Variants in ATP8B1 observed in about 807,000 individuals in gnomAD.
The protein encoded by ATP8B1 is ATPase phospholipid transporting 8B1.
ATP8B1 carries 80 observed loss-of-function variants against 149.9 expected under a neutral mutation model. The observed-to-expected ratio is 0.53, with a 90% confidence interval of 0.45 to 0.64. The LOEUF (loss-of-function observed/expected upper bound fraction) is 0.64. Among genes scored for constraint, ATP8B1 ranks in the 30% least tolerant of loss-of-function variants. The pLI, the probability that ATP8B1 is intolerant of heterozygous loss-of-function variation, is 0.00. For missense variants in ATP8B1, 1,247 were observed against 1,552.6 expected, an observed-to-expected ratio of 0.80 and a Z score of 3.31; for synonymous variants, 536 against 562.8, an observed-to-expected ratio of 0.95 and a Z score of 0.67.
intron 2 of ATP8B1, among the ~76,000 whole-genome samples, chr18:57,725,660 G>A (rs1352914063): frequency 2.6e-5 from 4 of 152,098 alleles, no homozygotes; most frequent in Admixed American, 1.3e-4. Context: ...CCAAAACAAC[G>A]TGGTATTGGC....
chr18:57,689,418 T>C (rs1455095035), intron 12 of ATP8B1, among the ~76,000 whole-genome samples: 1 of 152,214 alleles, frequency 6.6e-6, no homozygotes, highest in African/African-American at 2.4e-5. Flanking sequence ...ATCTGAATTT[T>C]AAAACTATAA....
intron 2 of ATP8B1, 86 bp downstream of exon 2, chr18:57,731,541 A>G (rs1379479565): frequency 8.8e-6 from 13 of 1,477,274 alleles, no homozygotes; most frequent in Non-Finnish European, 3.7e-6. Flanking sequence ...GACCACGCAA[A>G]ATAGACCGAT....
chr18:57,768,472 T>A (rs1176565299), intron 1 of ATP8B1, among the ~76,000 whole-genome samples: 3 of 144,164 alleles, frequency 2.1e-5, no homozygotes, highest in Admixed American at 7.1e-5. Flanking sequence ...CCTAGAATCA[T>A]ACCTATTCTC....
chr18:57,713,236 C>CT (rs1568207620), intron 2 of ATP8B1, among the ~76,000 whole-genome samples: 216 of 100,036 alleles, frequency 2.2e-3, no homozygotes, highest in Non-Finnish European at 2.9e-3. Flanking sequence ...TCCTTCCTTC[C>CT]TTCCTTCTTT....
At chr18:57,776,339 C>T (rs1373357174) in intron 1 of ATP8B1, among the ~76,000 whole-genome samples, 2 of 152,250 alleles carry the variant, frequency 1.3e-5, no homozygotes, top group Admixed American at 6.5e-5. Flanking sequence ...TACCACCTCG[C>T]ATTCATGTGA....
Position 57,706,504 on chromosome 18 carries a change from C to T in ATP8B1, c.265G>A (p.Glu89Lys). 1 of 1,613,698 alleles carries T rather than the reference C, an allele frequency of 6.2e-7. No individual in the cohort carries two copies. Among genetic ancestry groups the T allele is most frequent in the Non-Finnish European group, 8.5e-7 (1 of 1,179,674 alleles). Residue 89 changes from glutamate to lysine, a missense_variant, in exon 3 of 28, where the codon GAG becomes AAG. Glu to Lys is a moderately conservative substitution (Grantham distance 56). Coordinates refer to ENST00000648908, the MANE Select transcript of ATP8B1 (RefSeq NM_001374385.1). ...TAACAACTCACCGCATATTTACTCT[C>T]CTTAATACACAAGAATTTTGTGTTC... ...FMNTKFLCIK[E>K]SKYANNAIKT...
intron 1 of ATP8B1, among the ~76,000 whole-genome samples, chr18:57,787,114 T>C (rs913108274): frequency 6.6e-6 from 1 of 152,218 alleles, no homozygotes; most frequent in Non-Finnish European, 1.5e-5. Flanking sequence ...CTTCATAATA[T>C]TCATGTTAAA....
At chr18:57,743,189 G>A (rs777162969) in intron 1 of ATP8B1, among the ~76,000 whole-genome samples, 11 of 152,050 alleles carry the variant, frequency 7.2e-5, no homozygotes, top group Non-Finnish European at 1.6e-4. Flanking sequence ...TGCCCAGGGT[G>A]ATTTAGCTCC....
In ATP8B1 at chr18:57,662,527, G is replaced by A; in HGVS notation, c.2374C>T (p.Pro792Ser). The A allele has an allele frequency of 6.2e-7, 1 of 1,614,046 alleles. No homozygotes were observed. Among genetic ancestry groups the A allele is most frequent in the Non-Finnish European group, 8.5e-7 (1 of 1,180,010 alleles). Reference protein sequence around the residue: ...FAPPVQESFFPPGGNRALIIT... With the variant: ...FAPPVQESFFSPGGNRALIIT... ...ATTAAGGCACGGTTTCCACCGGGTG[G>A]AAAAAAAGATTCCTGCACAGGAGGT... The change falls in exon 21 of 28, where the codon CCA (proline) becomes TCA (serine). Residue 792 changes from proline (P) to serine (S), a missense_variant. This residue lies in a region of ATP8B1 where 853 missense variants were observed against 1,035.7 expected (regional missense o/e 0.82). Coordinates refer to ENST00000648908, the MANE Select transcript of ATP8B1 (RefSeq NM_001374385.1).
At chr18:57,743,325 C>T (rs1004418910) in intron 1 of ATP8B1, among the ~76,000 whole-genome samples, 2 of 152,122 alleles carry the variant, frequency 1.3e-5, no homozygotes, top group African/African-American at 2.4e-5. Flanking sequence ...TCTCCACTCC[C>T]AACATCACCT....
chr18:57,770,534 C>T (rs1241266231), intron 1 of ATP8B1, among the ~76,000 whole-genome samples: 1 of 152,188 alleles, frequency 6.6e-6, no homozygotes, highest in African/African-American at 2.4e-5. Flanking sequence ...TGCCTCCAGC[C>T]GGCCCACCCT....
At chr18:57,740,247 C>T (rs944599101) in intron 1 of ATP8B1, among the ~76,000 whole-genome samples, 13 of 151,834 alleles carry the variant, frequency 8.6e-5, no homozygotes, top group African/African-American at 2.9e-4. Context: ...TAAGCCACCA[C>T]GCCTGGTCCT....
intron 12 of ATP8B1, among the ~76,000 whole-genome samples, chr18:57,690,134 A>G (rs1377875714): frequency 1.3e-5 from 2 of 152,240 alleles, no homozygotes; most frequent in African/African-American, 4.8e-5. Context: ...AGGAAAGGTC[A>G]GGGTAATAAG....
intron 17 of ATP8B1, among the ~76,000 whole-genome samples, chr18:57,670,319 G>A (rs1911146084): frequency 6.6e-6 from 1 of 151,466 alleles, no homozygotes; most frequent in African/African-American, 2.4e-5. Context: ...CATGATGAAC[G>A]ATTCAAACAT....
At chr18:57,762,850 C>T (rs374455274) in intron 1 of ATP8B1, among the ~76,000 whole-genome samples, 21 of 152,248 alleles carry the variant, frequency 1.4e-4, no homozygotes, top group African/African-American at 4.8e-4. Flanking sequence ...GCTTCCCAAA[C>T]GTAGTAATTC....
chr18:57,759,899 CT>C (rs1389861708), intron 1 of ATP8B1, among the ~76,000 whole-genome samples: 2 of 152,102 alleles, frequency 1.3e-5, no homozygotes, highest in African/African-American at 4.8e-5. Context: ...TAGTCCTGCC[CT>C]GTGCAAACCA....
intron 4 of ATP8B1, among the ~76,000 whole-genome samples, chr18:57,702,216 C>A (rs536923322): frequency 2.0e-5 from 3 of 152,278 alleles, no homozygotes; most frequent in African/African-American, 7.2e-5. Context: ...AGTGAGCTGG[C>A]CTTCCTCCAT....
At chr18:57,793,368 G>A (rs117075141) in intron 1 of ATP8B1, among the ~76,000 whole-genome samples, 7,457 of 151,850 alleles carry the variant, frequency 0.049, 236 homozygotes, top group Middle Eastern at 0.075. Context: ...CCATCCTGGC[G>A]GACACTACCA....
chr18:57,676,943 G>A (rs2122764745), intron 15 of ATP8B1, among the ~76,000 whole-genome samples: 1 of 152,230 alleles, frequency 6.6e-6, no homozygotes, highest in African/African-American at 2.4e-5. Flanking sequence ...GCCCAGGAGT[G>A]TGAGGTTACA....
Sources: allele counts gnomAD v4.1 joint callset (sites outside exome capture counted in the v4.1 genomes callset), GRCh38; gene constraint gnomAD v4.1.1; regional missense constraint gnomAD v4.1.1; transcripts MANE v1.5; gene names NCBI Gene and HGNC (gene_info 2026-07-23, HGNC 2026-07-21).